The following CATSPERT variants were observed in gnomAD, a reference collection of about 807,000 sequenced individuals.
CATSPERT encodes the protein cation channel sperm-associated targeting subunit tau.
At chr2:201,604,581 T>C in the CATSPERT span, 41 of 1,371,632 alleles carry the variant, frequency 3.0e-5, no homozygotes, top group East Asian at 9.9e-5. Flanking sequence ...AAATAACTTA[T>C]ACAGGTTTTT....
the CATSPERT span, among the ~76,000 whole-genome samples, chr2:201,616,936 C>T: frequency 6.6e-6 from 1 of 152,194 alleles, no homozygotes; most frequent in Non-Finnish European, 1.5e-5. Flanking sequence ...AGAGCCAAAT[C>T]ATGAGGGAAC....
the CATSPERT span, chr2:201,487,770 G>T: frequency 6.2e-7 from 1 of 1,614,096 alleles, no homozygotes; most frequent in Non-Finnish European, 8.5e-7. Flanking sequence ...GCAGTATATG[G>T]TCTTGCAGAG....
chr2:201,563,468 G>GAC, the CATSPERT span, among the ~76,000 whole-genome samples: 1 of 2,038 alleles, frequency 4.9e-4, no homozygotes, highest in South Asian at 0.02. Context: ...GCGGGGGGCT[G>GAC]ACCCCCCACC....
At chr2:201,513,860 A>G in the CATSPERT span, among the ~76,000 whole-genome samples, 2 of 152,348 alleles carry the variant, frequency 1.3e-5, no homozygotes, top group South Asian at 2.1e-4. Flanking sequence ...CAAATCATAG[A>G]TATGTTTTCT....
the CATSPERT span, among the ~76,000 whole-genome samples, chr2:201,506,768 T>C: frequency 6.6e-6 from 1 of 152,224 alleles, no homozygotes; most frequent in Non-Finnish European, 1.5e-5. Context: ...TTAGCCGGGA[T>C]GGTCTCGATC....
the CATSPERT span, among the ~76,000 whole-genome samples, chr2:201,592,727 C>G: frequency 6.6e-6 from 1 of 151,894 alleles, no homozygotes. Context: ...TATGTGCCGA[C>G]GAATTTATCC....
the CATSPERT span, chr2:201,571,918 T>G: frequency 8.7e-6 from 14 of 1,601,396 alleles, no homozygotes; most frequent in Non-Finnish European, 1.2e-5. Flanking sequence ...TCTGACCATA[T>G]TAACGAGACT....
the CATSPERT span, among the ~76,000 whole-genome samples, chr2:201,587,994 G>C: frequency 2.3e-4 from 35 of 152,146 alleles, no homozygotes; most frequent in African/African-American, 8.2e-4. Flanking sequence ...TGAAATTGAA[G>C]CAATAATAAA....
At chr2:201,601,317 G>GTGTGTGTGTGT in the CATSPERT span, among the ~76,000 whole-genome samples, 23 of 128,056 alleles carry the variant, frequency 1.8e-4, no homozygotes, top group Admixed American at 7.9e-4. Context: ...TGTGTGTGTG[G>GTGTGTGTGTGT]GTTGTAATAA....
At chr2:201,560,450 TAATAATAATAATAATAATAAC>T in the CATSPERT span, among the ~76,000 whole-genome samples, 658 of 41,848 alleles carry the variant, frequency 0.016, 10 homozygotes, top group East Asian at 0.08. Flanking sequence ...ATAATAATAA[TAATAATAATAATAATAATAAC>T]AACAACAACA....
the CATSPERT span, among the ~76,000 whole-genome samples, chr2:201,567,988 T>G: frequency 6.6e-6 from 1 of 152,160 alleles, no homozygotes; most frequent in Non-Finnish European, 1.5e-5. Context: ...TGGGCCAGAA[T>G]AACACACCCA....
the CATSPERT span, chr2:201,536,188 T>C: frequency 1.2e-6 from 2 of 1,613,588 alleles, no homozygotes; most frequent in Non-Finnish European, 1.7e-6. Context: ...TTAGAAATAG[T>C]GCACAATGAG....
chr2:201,603,253 A>T, the CATSPERT span: 1 of 1,611,678 alleles, frequency 6.2e-7, no homozygotes, highest in South Asian at 1.1e-5. Flanking sequence ...GCAGTTCTTT[A>T]TATGAATGCC....
chr2:201,605,337 T>G, the CATSPERT span, among the ~76,000 whole-genome samples: 1 of 151,916 alleles, frequency 6.6e-6, no homozygotes, highest in Admixed American at 6.6e-5. Flanking sequence ...AGAAGGGACC[T>G]GAAAGAGAAG....
At chr2:201,519,866 T>TC in the CATSPERT span, among the ~76,000 whole-genome samples, 5 of 152,150 alleles carry the variant, frequency 3.3e-5, no homozygotes, top group African/African-American at 9.7e-5. Context: ...AATGCCGATT[T>TC]TAAAAATACA....
chr2:201,565,280 G>A, the CATSPERT span, among the ~76,000 whole-genome samples: 1 of 144,750 alleles, frequency 6.9e-6, no homozygotes, highest in East Asian at 2.0e-4. Context: ...AGACCAGACT[G>A]GTCAACAGAG....
the CATSPERT span, among the ~76,000 whole-genome samples, chr2:201,525,835 A>G: frequency 6.6e-6 from 1 of 152,178 alleles, no homozygotes; most frequent in Admixed American, 6.5e-5. Flanking sequence ...ACTATTTAAA[A>G]CACCTCTATA....
At chr2:201,522,710 C>T in the CATSPERT span, among the ~76,000 whole-genome samples, 1 of 152,172 alleles carries the variant, frequency 6.6e-6, no homozygotes, top group Non-Finnish European at 1.5e-5. Flanking sequence ...AGGGCTCCAA[C>T]CTGTGTGGAG....
chr2:201,595,222 A>ACT, the CATSPERT span, among the ~76,000 whole-genome samples: 1 of 136,292 alleles, frequency 7.3e-6, no homozygotes, highest in Non-Finnish European at 1.5e-5. Flanking sequence ...ACGGAGTCTC[A>ACT]CTGTCGCCCA....
Sources: gnomAD v4.1 joint callset for allele counts (sites outside exome capture counted in the v4.1 genomes callset) on GRCh38, gnomAD v4.1.1 for gene constraint, MANE v1.5 for transcripts, NCBI Gene and HGNC (gene_info 2026-07-23, HGNC 2026-07-21) for gene names.